Variants in SRBD1 observed in about 807,000 individuals in gnomAD.
SRBD1 encodes the protein S1 RNA-binding domain-containing protein 1.
A neutral mutation model predicts 115.3 loss-of-function variants in SRBD1; 88 were observed. That is an observed-to-expected ratio of 0.76 (90% CI 0.64 to 0.91). The LOEUF (loss-of-function observed/expected upper bound fraction) is 0.91. Ranked by LOEUF, SRBD1 falls within the 40% of genes least tolerant of loss-of-function variation. The pLI is 0.00. For synonymous variants in SRBD1, 509 were observed against 407.7 expected (o/e 1.25, Z -2.99); for missense variants, 1,385 against 1,177.4 (o/e 1.18, Z -2.58).
chr2:45,527,075 A>G (rs927242865), intron 14 of SRBD1, among the ~76,000 whole-genome samples: 10 of 151,856 alleles, frequency 6.6e-5, no homozygotes, highest in Non-Finnish European at 1.3e-4. Flanking sequence ...TGAAAAGCAT[A>G]CCTTTTATTT....
chr2:45,539,331 C>T (rs1171488795), intron 14 of SRBD1, among the ~76,000 whole-genome samples: 1 of 151,952 alleles, frequency 6.6e-6, no homozygotes, highest in Non-Finnish European at 1.5e-5. Flanking sequence ...ATTTTATTTT[C>T]AAGTTTCATG....
At chr2:45,482,432 A>G (rs1284300749) in intron 15 of SRBD1, among the ~76,000 whole-genome samples, 1 of 152,114 alleles carries the variant, frequency 6.6e-6, no homozygotes, top group African/African-American at 2.4e-5. Context: ...ACCATATGCT[A>G]TCGAACCAAT....
chr2:45,503,066 A>G (rs188963375), intron 14 of SRBD1, among the ~76,000 whole-genome samples: 1 of 152,310 alleles, frequency 6.6e-6, no homozygotes, highest in Admixed American at 6.5e-5. Context: ...AAAACTCAAA[A>G]GAAATACCAA....
At chr2:45,418,579 C>A in intron 17 of SRBD1, 38 bp from the exon 18 acceptor site, 7 of 1,430,886 alleles carry the variant, frequency 4.9e-6, no homozygotes, top group Non-Finnish European at 4.7e-6. Context: ...AAAAAGATCT[C>A]ATCTGAAAAG....
At chr2:45,589,918 T>A (rs1673664972) in intron 4 of SRBD1, among the ~76,000 whole-genome samples, 2 of 152,106 alleles carry the variant, frequency 1.3e-5, no homozygotes, top group South Asian at 4.1e-4. Context: ...CAACATACAG[T>A]ATGGTTCATA....
chr2:45,504,127 C>T (rs1188395094), intron 14 of SRBD1, among the ~76,000 whole-genome samples: 1 of 152,138 alleles, frequency 6.6e-6, no homozygotes, highest in African/African-American at 2.4e-5. Context: ...CTTCTAATTG[C>T]TCAAGATGGA....
In SRBD1 at chr2:45,443,826, G is replaced by A. The variant is rs1431997490; in HGVS notation, c.2050-23932C>T. The stretch of plus-strand genomic sequence containing the variant: ...TTTTGAAAAAAAAAAAAAAAAAGAG[G>A]TGATAACTACCCACTAGTTTTACAA... On this transcript the variant is annotated intron_variant, in intron 16 of 20. Coordinates refer to ENST00000263736, the MANE Select transcript of SRBD1 (RefSeq NM_018079.5). Among the ~76,000 whole-genome samples, 5 of 148,668 alleles carry A rather than the reference G, an allele frequency of 3.4e-5. 1 individual carries two copies. Among genetic ancestry groups the A allele is most frequent in the Non-Finnish European group, 5.9e-5 (4 of 67,302 alleles).
intron 16 of SRBD1, among the ~76,000 whole-genome samples, chr2:45,450,564 A>G (rs1344850058): frequency 1.3e-5 from 2 of 152,152 alleles, no homozygotes; most frequent in East Asian, 3.8e-4. Context: ...AATTAGCATT[A>G]TATCTTAAAG....
chr2:45,463,555 A>G (rs948230443), intron 16 of SRBD1, among the ~76,000 whole-genome samples: 2 of 152,086 alleles, frequency 1.3e-5, no homozygotes, highest in Non-Finnish European at 2.9e-5. Context: ...TCTCTTCTCA[A>G]TTGCTATAAT....
In SRBD1 at chr2:45,524,936, A is replaced by G. The variant is rs76693401; in HGVS notation, c.1874+21796T>C. ...AAGACAGTGTGGTTATGGCACAAGG[A>G]TAGACTTATAGATCAATGAAACAGG... On this transcript the variant is annotated intron_variant, in intron 14 of 20. Coordinates refer to ENST00000263736, the MANE Select transcript of SRBD1 (RefSeq NM_018079.5). Among the ~76,000 whole-genome samples, 1,457 of 152,144 alleles carry G rather than the reference A, an allele frequency of 9.6e-3. 50 individuals are homozygous for G. The highest frequency in any genetic ancestry group is 0.069 in the East Asian group (358 of 5,188).
intron 14 of SRBD1, among the ~76,000 whole-genome samples, chr2:45,510,578 T>C (rs901394607): frequency 6.6e-6 from 1 of 152,176 alleles, no homozygotes; most frequent in African/African-American, 2.4e-5. Flanking sequence ...GTTTATAAAG[T>C]GCTGTTTCAA....
At chr2:45,458,648 G>C (rs1409332130) in intron 16 of SRBD1, among the ~76,000 whole-genome samples, 1 of 152,116 alleles carries the variant, frequency 6.6e-6, no homozygotes, top group Non-Finnish European at 1.5e-5. Flanking sequence ...ATCCACATCA[G>C]TGCTGCCTTA....
At chr2:45,526,823 T>C (rs1237945736) in intron 14 of SRBD1, among the ~76,000 whole-genome samples, 1 of 151,416 alleles carries the variant, frequency 6.6e-6, no homozygotes, top group Non-Finnish European at 1.5e-5. Flanking sequence ...TATAGAAGAT[T>C]AGGATTCATG....
chr2:45,422,070 G>A (rs1243922288), intron 16 of SRBD1, among the ~76,000 whole-genome samples: 1 of 152,078 alleles, frequency 6.6e-6, no homozygotes, highest in African/African-American at 2.4e-5. Flanking sequence ...GCAATGTAAA[G>A]GCAAGCACAA....
chr2:45,397,785 G>A (rs1016149092), intron 19 of SRBD1, among the ~76,000 whole-genome samples: 1 of 152,070 alleles, frequency 6.6e-6, no homozygotes, highest in African/African-American at 2.4e-5. Flanking sequence ...GTTTTGTAGA[G>A]GTGAGGTCTC....
chr2:45,421,446 G>C (rs558168750), intron 16 of SRBD1, among the ~76,000 whole-genome samples: 4 of 138,668 alleles, frequency 2.9e-5, no homozygotes, highest in African/African-American at 1.0e-4. Flanking sequence ...GGTGGAGCTT[G>C]CAGTGAGCGT....
chr2:45,565,093 C>A (rs1040594106), intron 9 of SRBD1, among the ~76,000 whole-genome samples: 1 of 152,162 alleles, frequency 6.6e-6, no homozygotes, highest in African/African-American at 2.4e-5. Context: ...AAATCCCTAT[C>A]AAATCCCAAT....
chr2:45,577,160 T>C (rs1205718402), intron 7 of SRBD1, among the ~76,000 whole-genome samples: 2 of 152,242 alleles, frequency 1.3e-5, no homozygotes, highest in African/African-American at 2.4e-5. Flanking sequence ...CAATGGGAGA[T>C]AGAAATTATC....
At chr2:45,415,758 G>C (rs373452240) in intron 18 of SRBD1, among the ~76,000 whole-genome samples, 39 of 3,924 alleles carry the variant, frequency 9.9e-3, no homozygotes, top group Non-Finnish European at 0.019. Flanking sequence ...CGAGAGGAGA[G>C]GAGAGGAGAG....
Sources: allele counts gnomAD v4.1 joint callset (sites outside exome capture counted in the v4.1 genomes callset), GRCh38; gene constraint gnomAD v4.1.1; transcripts MANE v1.5; gene names NCBI Gene and HGNC (gene_info 2026-07-23, HGNC 2026-07-21).